SLC27A6: variants seen among roughly 807,000 people sequenced by gnomAD.
SLC27A6 encodes the protein solute carrier family 27 member 6, also known as long-chain fatty acid transport protein 6.
SLC27A6 carries 74 observed loss-of-function variants against 63.9 expected under a neutral mutation model. The observed-to-expected ratio is 1.16, with a 90% CI of 0.96 to 1.40. The LOEUF (loss-of-function observed/expected upper bound fraction) is 1.40, where lower values mean the gene tolerates loss of function less well. Among genes scored for constraint, SLC27A6 ranks in the 40% most tolerant of loss-of-function variants. The pLI is 0.00. For synonymous variants in SLC27A6, 287 were observed against 260.8 expected, an observed-to-expected ratio of 1.10 and a Z score of -0.97; for missense variants, 794 against 732.9, an observed-to-expected ratio of 1.08 and a Z score of -0.96.
intron 4 of SLC27A6, among the ~76,000 whole-genome samples, chr5:129,013,904 C>T (rs1227342501): frequency 6.6e-6 from 1 of 152,080 alleles, no homozygotes; most frequent in Non-Finnish European, 1.5e-5. Context: ...CAGAATGAGG[C>T]ACTAAATGCC....
chr5:129,025,863 C>T (rs992671623), intron 6 of SLC27A6, among the ~76,000 whole-genome samples: 3 of 152,038 alleles, frequency 2.0e-5, no homozygotes, highest in East Asian at 1.9e-4. Context: ...TGGCTGGGTG[C>T]GGTGGCTCAC....
At chr5:128,969,940 C>T (rs1750073158) in intron 1 of SLC27A6, among the ~76,000 whole-genome samples, 1 of 152,128 alleles carries the variant, frequency 6.6e-6, no homozygotes, top group Non-Finnish European at 1.5e-5. Context: ...TACATCCCAT[C>T]AATACCTAGT....
At chr5:129,024,504 A>C (rs1752171087) in intron 6 of SLC27A6, among the ~76,000 whole-genome samples, 1 of 152,024 alleles carries the variant, frequency 6.6e-6, no homozygotes, top group Non-Finnish European at 1.5e-5. Flanking sequence ...TGGACGATTA[A>C]ATGGGATGTA....
At chr5:129,031,598 T>C (rs1374481724) in intron 9 of SLC27A6, among the ~76,000 whole-genome samples, 1 of 151,996 alleles carries the variant, frequency 6.6e-6, no homozygotes, top group Non-Finnish European at 1.5e-5. Context: ...ATAAAGATTT[T>C]AATATTCTAA....
chr5:128,995,354 A>G (rs772680260), intron 4 of SLC27A6, among the ~76,000 whole-genome samples: 9 of 152,246 alleles, frequency 5.9e-5, no homozygotes, highest in Non-Finnish European at 1.3e-4. Flanking sequence ...GTAATATTGT[A>G]GGATTAGATA....
chr5:128,982,640 A>G (rs2526257), intron 1 of SLC27A6, among the ~76,000 whole-genome samples: 36,097 of 152,176 alleles, frequency 0.24, 4,888 homozygotes, highest in Middle Eastern at 0.33. Context: ...AGTCATTACA[A>G]CAAAATCTGG....
chr5:128,967,007 G>A (rs2577543), intron 1 of SLC27A6, among the ~76,000 whole-genome samples: 35,680 of 151,962 alleles, frequency 0.23, 4,845 homozygotes, highest in Middle Eastern at 0.33. Context: ...TACTTTATCA[G>A]GGATGACTAC....
At position 129,029,599 on chromosome 5, in the gene SLC27A6, G is replaced by A. The variant is rs749452387; in HGVS notation, c.1575G>A (p.Met525Ile). The A allele has an allele frequency of 2.5e-6, 4 of 1,582,772 alleles. No individual in the cohort carries two copies. Among genetic ancestry groups the A allele is most frequent in the Non-Finnish European group, 3.4e-6 (4 of 1,167,140 alleles). ...AISGYEGRAG[M>I]ASIILKPNTS... ...CAGGTTATGAAGGAAGAGCAGGAAT[G>A]GCTTCTATTATTTTAAAACCAAATA... The change falls in exon 9 of 10, where the codon ATG (methionine) becomes ATA (isoleucine). Residue 525 changes from methionine (M) to isoleucine (I), a missense_variant. By Grantham distance (10) the Met-to-Ile change is conservative. Coordinates refer to ENST00000262462, the MANE Select transcript of SLC27A6 (RefSeq NM_001017372.3).
chr5:128,976,418 G>A (rs60021474), intron 1 of SLC27A6, among the ~76,000 whole-genome samples: 11,719 of 152,260 alleles, frequency 0.077, 1,263 homozygotes, highest in East Asian at 0.56. Flanking sequence ...GGAGGCTGAG[G>A]CAGGAGAATC....
intron 1 of SLC27A6, among the ~76,000 whole-genome samples, chr5:128,982,776 A>G (rs1025109024): frequency 1.3e-5 from 2 of 152,220 alleles, no homozygotes; most frequent in African/African-American, 4.8e-5. Context: ...ATACAGCAGC[A>G]TGATGTGTGT....
At chr5:128,985,102 G>T (rs1321037664) in intron 1 of SLC27A6, 31 bp from the exon 2 acceptor site, 1 of 1,539,248 alleles carries the variant, frequency 6.5e-7, no homozygotes, top group African/African-American at 1.4e-5. Context: ...TTTAAGGTTT[G>T]CTTAACTCTT....
At chr5:129,028,658 ATTT>A (rs35862007) in intron 8 of SLC27A6, among the ~76,000 whole-genome samples, 1 of 141,978 alleles carries the variant, frequency 7.0e-6, no homozygotes, top group Non-Finnish European at 1.5e-5. Flanking sequence ...GCCTGCGTGT[ATTT>A]TTTTTTTTTT....
At chr5:128,967,925 C>T (rs6595871) in intron 1 of SLC27A6, among the ~76,000 whole-genome samples, 4,173 of 151,910 alleles carry the variant, frequency 0.027, 190 homozygotes, top group African/African-American at 0.095. Context: ...CCCCACCCCA[C>T]GACAGGCCCT....
chr5:128,970,246 C>T (rs1412585157), intron 1 of SLC27A6, among the ~76,000 whole-genome samples: 1 of 152,002 alleles, frequency 6.6e-6, no homozygotes, highest in Non-Finnish European at 1.5e-5. Context: ...GTGTCTCTGC[C>T]AGACTTTGGT....
chr5:128,992,175 G>C (rs1370464193), intron 4 of SLC27A6, among the ~76,000 whole-genome samples: 2 of 2,480 alleles, frequency 8.1e-4, no homozygotes, highest in African/African-American at 2.5e-3. Context: ...TCCTTGACTA[G>C]AGGATCTCTC....
intron 4 of SLC27A6, among the ~76,000 whole-genome samples, chr5:129,007,356 T>C (rs1421537907): frequency 6.7e-6 from 1 of 149,750 alleles, no homozygotes; most frequent in East Asian, 2.0e-4. Context: ...GAGCAGATAA[T>C]TGCTTAAACC....
intron 8 of SLC27A6, 69 bp downstream of exon 8, chr5:129,028,511 C>G (rs1200811566): frequency 1.1e-6 from 1 of 919,070 alleles, no homozygotes; most frequent in African/African-American, 1.7e-5. Flanking sequence ...AGTTTTGCAA[C>G]AGTCTTGCTA....
intron 9 of SLC27A6, among the ~76,000 whole-genome samples, chr5:129,032,306 AC>A (rs1752440383): frequency 6.6e-6 from 1 of 152,002 alleles, no homozygotes; most frequent in Non-Finnish European, 1.5e-5. Context: ...TTTTCAAATA[AC>A]CACAATCAGT....
chr5:129,009,343 T>C (rs1751646924), intron 4 of SLC27A6, among the ~76,000 whole-genome samples: 1 of 152,200 alleles, frequency 6.6e-6, no homozygotes, highest in African/African-American at 2.4e-5. Flanking sequence ...ATATGTATTC[T>C]ACTATTTCTT....
Sources: gnomAD v4.1 joint callset for allele counts (sites outside exome capture counted in the v4.1 genomes callset) on GRCh38, gnomAD v4.1.1 for gene constraint, MANE v1.5 for transcripts, NCBI Gene and HGNC (gene_info 2026-07-23, HGNC 2026-07-21) for gene names.